Variants in KIF13A observed in about 807,000 individuals in gnomAD.
The protein encoded by KIF13A is kinesin-like protein KIF13A.
Under a neutral mutation model 212.2 loss-of-function variants are expected in KIF13A, and 79 were observed. That is an observed-to-expected ratio of 0.37 (90% confidence interval 0.31 to 0.45). The LOEUF is 0.45. KIF13A is among the 20% of genes least tolerant of loss of function. The pLI is 1.00. For missense variants in KIF13A, 1,901 were observed against 2,209.0 expected (o/e 0.86, Z 2.79); for synonymous variants, 789 against 808.6 (o/e 0.98, Z 0.41).
intron 3 of KIF13A, among the ~76,000 whole-genome samples, chr6:17,894,618 T>C (rs1333370200): frequency 6.6e-6 from 1 of 152,178 alleles, no homozygotes; most frequent in African/African-American, 2.4e-5. Context: ...TCCCCAATTA[T>C]TAACATCTTT....
chr6:17,873,315 A>C, intron 4 of KIF13A, 62 bp downstream of exon 4: 2 of 1,131,472 alleles, frequency 1.8e-6, no homozygotes, highest in South Asian at 2.8e-5. Flanking sequence ...ATTAAAGAAA[A>C]TAAACTCAAT....
Position 17,837,436 on chromosome 6 carries a change from T to C in KIF13A, c.942+36A>G. On this transcript the variant is annotated intron_variant, in intron 10 of 38. Transcript: ENST00000259711. The surrounding 1 kb of genome is among the most constrained non-coding windows in gnomAD (Gnocchi z 5.4). ...CTCTGTCACATCTGGAATAGCCAAT[T>C]TTTAGTTGGAAAAGAACACTAGAGC... The C allele has an allele frequency of 6.8e-7, 1 of 1,465,414 alleles. No homozygotes were observed. The highest frequency in any genetic ancestry group is 1.2e-5 in the South Asian group (1 of 83,362). 90.8% of individuals were successfully genotyped at this position (1,465,414 alleles called of 1,614,324 possible).
In KIF13A at chr6:17,883,257, G is replaced by A. The variant is rs1375035568; in HGVS notation, c.160-9820C>T. ...AGATACTCAGGAGGCTGAAGCAAGA[G>A]GACTGCTTGAGCCCAGAAGTTTAAG... On this transcript the variant is annotated intron_variant, in intron 3 of 38. Coordinates refer to ENST00000259711, the MANE Select transcript of KIF13A (RefSeq NM_022113.6). The surrounding 1 kb of genome is among the most constrained non-coding windows in gnomAD (Gnocchi z 4.8). 6.6e-6 allele frequency among the ~76,000 whole-genome samples: 1 copy of A among 152,056 alleles called. No homozygotes were observed. Among genetic ancestry groups the A allele is most frequent in the African/African-American group, 2.4e-5 (1 of 41,376 alleles).
At position 17,843,972 on chromosome 6, in the gene KIF13A, G is replaced by A. The variant is rs1330703338; in HGVS notation, c.830+5405C>T. ...AGGCAGGAGAATCACTTGAACCCAG[G>A]AGATGGAGGTCGCAGTGAGCCGAGA... On this transcript the variant is annotated intron_variant, in intron 9 of 38. Transcript: ENST00000259711. This position sits in a 1 kb window ranked among gnomAD's most constrained non-coding sequence, Gnocchi z 5.3. Among the ~76,000 whole-genome samples, 1 of 151,278 alleles carries A rather than the reference G, an allele frequency of 6.6e-6. No individual in the cohort carries two copies. Among genetic ancestry groups the A allele is most frequent in the Admixed American group, 6.6e-5 (1 of 15,144 alleles).
Position 17,925,073 on chromosome 6 carries a change from GA to G in KIF13A, c.147-26894del, listed in dbSNP as rs545826636. Reference sequence around the variant, plus strand: ...CCTCTAAACACGCTCCCCCAAAAGAGAAAAAAATATATCAACAAATGCTTCC... The same window carrying G: ...CCTCTAAACACGCTCCCCCAAAAGAGAAAAAATATATCAACAAATGCTTCC... On this transcript the variant is annotated intron_variant, in intron 2 of 38. Transcript: ENST00000259711. Among the ~76,000 whole-genome samples, 43 of 152,160 alleles carry G rather than the reference GA, an allele frequency of 2.8e-4. 1 individual carries two copies. In the East Asian group the frequency reaches 7.5e-3, roughly 27 times the overall value.
chr6:17,810,529 C>T (rs962037089), intron 17 of KIF13A, among the ~76,000 whole-genome samples: 10 of 152,234 alleles, frequency 6.6e-5, no homozygotes, highest in East Asian at 1.9e-4. Context: ...TTCCATGGAC[C>T]GAGGTTGGGG....
chr6:17,834,282 T>G lies in KIF13A; in HGVS notation c.1156-211A>C, dbSNP rs1052883822. On this transcript the variant is annotated intron_variant, in intron 11 of 38. Coordinates refer to ENST00000259711, the MANE Select transcript of KIF13A (RefSeq NM_022113.6). The surrounding 1 kb of genome is among the most constrained non-coding windows in gnomAD (Gnocchi z 4.0). ...GAAAAAGAAATACCAGTGTCCTGAA[T>G]GAAAATGAAACAAATCATTAGTCAT... is the stretch of plus-strand genomic sequence containing the variant. 2.6e-5 allele frequency among the ~76,000 whole-genome samples: 4 copies of G among 152,228 alleles called. No individual in the cohort carries two copies. Among genetic ancestry groups the G allele is most frequent in the Non-Finnish European group, 5.9e-5 (4 of 68,026 alleles).
intron 9 of KIF13A, among the ~76,000 whole-genome samples, chr6:17,846,301 G>A (rs976964203): frequency 1.3e-5 from 2 of 151,792 alleles, no homozygotes; most frequent in African/African-American, 2.4e-5. Flanking sequence ...GTTATTCAAC[G>A]TCTCTAAGCA....
rs1043674574 is a variant in KIF13A at position 17,900,725 on chromosome 6, G to A, written c.147-2545C>T. Among the ~76,000 whole-genome samples, 11 of 152,088 alleles carry A rather than the reference G, an allele frequency of 7.2e-5. No homozygotes were observed. The highest frequency in any genetic ancestry group is 2.4e-4 in the African/African-American group (10 of 41,420). ...TGTACTTCATTCATTGATACACCCT[G>A]TAATTCATTCATTGATACACCTTTC... On this transcript the variant is annotated intron_variant, in intron 2 of 38. Coordinates refer to ENST00000259711, the MANE Select transcript of KIF13A (RefSeq NM_022113.6). This position sits in a 1 kb window ranked among gnomAD's most constrained non-coding sequence, Gnocchi z 4.6.
chr6:17,828,512 C>A lies in KIF13A; in HGVS notation c.1402-142G>T. ...TGCCAGAGATGTTAAATATCTTAAG[C>A]ATTAAAAGTAAAACGCTTACCCTTA... On this transcript the variant is annotated intron_variant, in intron 13 of 38. Transcript: ENST00000259711. The surrounding 1 kb of genome is among the most constrained non-coding windows in gnomAD (Gnocchi z 4.3). 1 of 650,816 alleles carries A rather than the reference C, an allele frequency of 1.5e-6. No individual in the cohort carries two copies. Among genetic ancestry groups the A allele is most frequent in the Non-Finnish European group, 2.4e-6 (1 of 411,952 alleles). The allele number at this position is 650,816 out of a possible 1,614,324, so 40.3% of individuals were successfully genotyped here. A position where few individuals can be genotyped will look rare whatever the true frequency, so the allele number is the denominator to read the frequency against.
rs960657945 is a variant in KIF13A at position 17,843,914 on chromosome 6, G to A, written c.830+5463C>T. 3.3e-5 allele frequency among the ~76,000 whole-genome samples: 5 copies of A among 151,902 alleles called. No individual in the cohort carries two copies. Among genetic ancestry groups the A allele is most frequent in the Middle Eastern group, 3.4e-3 (1 of 292 alleles). ...ACAAAAATTAACTGAGCGTGGTGGC[G>A]CACGCCTATAATCCCAGCTACTCGG... On this transcript the variant is annotated intron_variant, in intron 9 of 38. Transcript: ENST00000259711. The surrounding 1 kb of genome is among the most constrained non-coding windows in gnomAD (Gnocchi z 5.3).
chr6:17,959,731 G>A (rs1278138151), intron 2 of KIF13A, among the ~76,000 whole-genome samples: 2 of 152,186 alleles, frequency 1.3e-5, no homozygotes, highest in African/African-American at 2.4e-5. Flanking sequence ...TCAATTAAAA[G>A]CTATCAGTTC....
At position 17,787,698 on chromosome 6, in the gene KIF13A, T is replaced by C. The variant is rs1761177870; in HGVS notation, c.3361+78A>G. On this transcript the variant is annotated intron_variant, in intron 27 of 38. Transcript: ENST00000259711. The surrounding 1 kb of genome is among the most constrained non-coding windows in gnomAD (Gnocchi z 4.6). The stretch of plus-strand genomic sequence containing the variant: ...CAAAAATAAGATACTACTGTCCAGT[T>C]AGGGGAAGAAAACGACCTACTGCCA... The C allele has an allele frequency of 6.2e-6, 5 of 812,392 alleles. No individual in the cohort carries two copies. Among genetic ancestry groups the C allele is most frequent in the Non-Finnish European group, 1.1e-5 (5 of 460,086 alleles). The allele number at this position is 812,392 out of a possible 1,614,324, so 50.3% of individuals were successfully genotyped here. A position where few individuals can be genotyped will look rare whatever the true frequency, so the allele number is the denominator to read the frequency against.
chr6:17,901,859 T>C (rs1222317514), intron 2 of KIF13A, among the ~76,000 whole-genome samples: 1 of 152,206 alleles, frequency 6.6e-6, no homozygotes, highest in African/African-American at 2.4e-5. Flanking sequence ...GGGCTGGGCA[T>C]GGTGGCATGA....
chr6:17,929,611 A>T (rs945276028), intron 2 of KIF13A, among the ~76,000 whole-genome samples: 1 of 152,134 alleles, frequency 6.6e-6, no homozygotes, highest in Non-Finnish European at 1.5e-5. Flanking sequence ...CGTGTTAGCC[A>T]GCATGGTCTC....
rs1190849460 is a variant in KIF13A, at chr6:17,772,594, C to T, written c.4325-535G>A. Among the ~76,000 whole-genome samples the T allele has an allele frequency of 6.6e-6, 1 of 152,232 alleles. No individual in the cohort carries two copies. The highest frequency in any genetic ancestry group is 1.5e-5 in the Non-Finnish European group (1 of 68,038). ...TTTCTACACTCTTTTCAAGATCCAG[C>T]TTAAGCACCACTAACCAGACCAATT... On this transcript the variant is annotated intron_variant, in intron 36 of 38. Coordinates refer to ENST00000259711, the MANE Select transcript of KIF13A (RefSeq NM_022113.6). This position sits in a 1 kb window ranked among gnomAD's most constrained non-coding sequence, Gnocchi z 4.8.
At chr6:17,903,020 T>C (rs1176959426) in intron 2 of KIF13A, among the ~76,000 whole-genome samples, 4 of 152,188 alleles carry the variant, frequency 2.6e-5, no homozygotes, top group Non-Finnish European at 1.5e-5. Flanking sequence ...TTAACAGCAG[T>C]GAAGACTTCA....
Position 17,971,512 on chromosome 6 carries a change from T to G in KIF13A, c.146+15542A>C, listed in dbSNP as rs1369887743. On this transcript the variant is annotated intron_variant, in intron 2 of 38. Coordinates refer to ENST00000259711, the MANE Select transcript of KIF13A (RefSeq NM_022113.6). This position sits in a 1 kb window ranked among gnomAD's most constrained non-coding sequence, Gnocchi z 4.2. ...TCATGGCTCACTGCAGCCTAGACCT[T>G]CTGCATTCAAGTGATCCTCCCATTT... Among the ~76,000 whole-genome samples, 1 of 151,996 alleles carries G rather than the reference T, an allele frequency of 6.6e-6. No individual in the cohort carries two copies. The highest frequency in any genetic ancestry group is 2.4e-5 in the African/African-American group (1 of 41,378).
At position 17,794,468 on chromosome 6, in the gene KIF13A, G is replaced by T; in HGVS notation, c.3076-73C>A. 6.4e-7 allele frequency: 1 copy of T among 1,566,576 alleles called. No homozygotes were observed. The highest frequency in any genetic ancestry group is 1.2e-5 in the South Asian group (1 of 86,344). ...GGAACGGGATAAAGAAGGGGAAAAG[G>T]ATTAGAGAATAAAGATACAAATAGT... On this transcript the variant is annotated intron_variant, in intron 24 of 38. Coordinates refer to ENST00000259711, the MANE Select transcript of KIF13A (RefSeq NM_022113.6). This position sits in a 1 kb window ranked among gnomAD's most constrained non-coding sequence, Gnocchi z 4.1.
Sources: allele counts gnomAD v4.1 joint callset (sites outside exome capture counted in the v4.1 genomes callset), GRCh38; gene constraint gnomAD v4.1.1; non-coding constraint Gnocchi (gnomAD v3.1); transcripts MANE v1.5; gene names NCBI Gene and HGNC (gene_info 2026-07-23, HGNC 2026-07-21).